Variants in VAV2 observed in about 807,000 individuals in gnomAD.
The protein encoded by VAV2 is guanine nucleotide exchange factor VAV2.
Under a neutral mutation model 132.5 loss-of-function variants are expected in VAV2, and 67 were observed. The ratio of observed to expected loss-of-function variants is 0.51; its 90% CI spans 0.42 to 0.62. The LOEUF (loss-of-function observed/expected upper bound fraction) is 0.62, where lower values mean the gene tolerates loss of function less well. VAV2 is among the 20% of genes least tolerant of loss of function. The probability of loss-of-function intolerance (pLI) is 0.00; values close to 1 mark genes in which losing one functional copy is unlikely to be tolerated. For synonymous variants in VAV2, 492 were observed against 443.5 expected, an observed-to-expected ratio of 1.11 and a Z score of -1.37; for missense variants, 938 against 1,153.6, an observed-to-expected ratio of 0.81 and a Z score of 2.71.
chr9:133,981,977 C>T (rs1842708803), intron 1 of VAV2, among the ~76,000 whole-genome samples: 1 of 152,218 alleles, frequency 6.6e-6, no homozygotes, highest in South Asian at 2.1e-4. Flanking sequence ...GTTGGACCAG[C>T]CCCTGCCAAA....
intron 4 of VAV2, among the ~76,000 whole-genome samples, chr9:133,820,021 G>A (rs1305249268): frequency 2.6e-5 from 4 of 152,202 alleles, no homozygotes; most frequent in African/African-American, 7.2e-5. Flanking sequence ...TTTCTCCTAT[G>A]ACCGATTCTG....
intron 12 of VAV2, among the ~76,000 whole-genome samples, chr9:133,792,146 GGT>G: frequency 6.8e-6 from 1 of 147,930 alleles, no homozygotes; most frequent in Non-Finnish European, 1.5e-5. Flanking sequence ...TGCTGGGTGG[GGT>G]GTGTGTGACT....
intron 11 of VAV2, among the ~76,000 whole-genome samples, chr9:133,796,122 C>T (rs1044643424): frequency 5.9e-5 from 9 of 152,224 alleles, no homozygotes. Flanking sequence ...CCATTTCTGC[C>T]ATGGCCACCA....
chr9:133,952,232 G>T (rs371762438), intron 1 of VAV2, among the ~76,000 whole-genome samples: 44 of 152,218 alleles, frequency 2.9e-4, no homozygotes, highest in African/African-American at 9.2e-4. Context: ...GCCCCAAGGA[G>T]ACAGGTCTGC....
In VAV2 at chr9:133,834,163, G is replaced by T; in HGVS notation, c.449+109C>A. 7.7e-7 allele frequency: 1 copy of T among 1,298,758 alleles called. No homozygotes were observed. Among genetic ancestry groups the T allele is most frequent in the Non-Finnish European group, 1.1e-6 (1 of 934,176 alleles). 80.5% of individuals were successfully genotyped at this position (1,298,758 alleles called of 1,614,324 possible). On this transcript the variant is annotated intron_variant, in intron 4 of 29. Coordinates refer to ENST00000371850, the MANE Select transcript of VAV2 (RefSeq NM_001134398.2). This position sits in a 1 kb window ranked among gnomAD's most constrained non-coding sequence, Gnocchi z 5.9. ...GCCCCGGTGGGAAGGGCCAGGGCCA[G>T]CTCTGCCTGCACTGTGGCCGCCATG...
chr9:133,794,190 A>T lies in VAV2; in HGVS notation c.1101+1478T>A, dbSNP rs1834613358. 3.3e-5 allele frequency among the ~76,000 whole-genome samples: 5 copies of T among 152,144 alleles called. No homozygotes were observed. The highest frequency in any genetic ancestry group is 6.5e-5 in the Admixed American group (1 of 15,276). ...TCTCAGAGCCCCCGAGGACGCATCCACGCTGGCTCACACACCGTGGCTCAC... is the reference window on the plus strand; with the variant it reads ...TCTCAGAGCCCCCGAGGACGCATCCTCGCTGGCTCACACACCGTGGCTCAC... On this transcript the variant is annotated intron_variant, in intron 12 of 29. Coordinates refer to ENST00000371850, the MANE Select transcript of VAV2 (RefSeq NM_001134398.2). This position sits in a 1 kb window ranked among gnomAD's most constrained non-coding sequence, Gnocchi z 4.6.
intron 4 of VAV2, among the ~76,000 whole-genome samples, chr9:133,828,978 A>C (rs1390150848): frequency 6.6e-6 from 1 of 152,100 alleles, no homozygotes; most frequent in Non-Finnish European, 1.5e-5. Context: ...TTGCTTTCTG[A>C]CCCAGCACTC....
chr9:133,938,636 G>A (rs879079822), intron 2 of VAV2, among the ~76,000 whole-genome samples: 9 of 152,010 alleles, frequency 5.9e-5, no homozygotes, highest in Admixed American at 2.6e-4. Context: ...TGCTTGTCCC[G>A]GGGTAACCGA....
chr9:133,878,936 G>A (rs1212389071), intron 2 of VAV2, among the ~76,000 whole-genome samples: 1 of 152,146 alleles, frequency 6.6e-6, no homozygotes, highest in African/African-American at 2.4e-5. Context: ...CCCCAGGGTC[G>A]GGTCGCCCCA....
chr9:133,956,339 C>G (rs1305467532), intron 1 of VAV2, among the ~76,000 whole-genome samples: 1 of 152,148 alleles, frequency 6.6e-6, no homozygotes, highest in Non-Finnish European at 1.5e-5. Context: ...AGCCCAAGCC[C>G]CTGGGGAGGG....
At position 133,807,239 on chromosome 9, in the gene VAV2, T is replaced by G. The variant is rs771409895; in HGVS notation, c.735+19A>C. 6.2e-7 allele frequency: 1 copy of G among 1,606,532 alleles called. No individual in the cohort carries two copies. On this transcript the variant is annotated intron_variant, in intron 8 of 29. Coordinates refer to ENST00000371850, the MANE Select transcript of VAV2 (RefSeq NM_001134398.2). ...AGGGCCCCGAGCCTGGCATGAGCGA[T>G]GGGGGCCGGGACCCTTACCTCCAGG...
chr9:133,933,918 A>G (rs149641012), intron 2 of VAV2, among the ~76,000 whole-genome samples: 23 of 16,360 alleles, frequency 1.4e-3, no homozygotes, highest in East Asian at 0.011. Flanking sequence ...GGATGGATGG[A>G]TGATGGGTGA....
At chr9:133,925,322 T>C (rs1840435762) in intron 2 of VAV2, among the ~76,000 whole-genome samples, 1 of 152,182 alleles carries the variant, frequency 6.6e-6, no homozygotes, top group African/African-American at 2.4e-5. Flanking sequence ...GCTCAAGCAA[T>C]TCTTCTGCCT....
chr9:133,796,453 C>T lies in VAV2; in HGVS notation c.1008G>A (p.Val336=). ...QDLLVVPMQR[V]LKYHLLLKEL... is the part of the protein sequence containing the mutation. The stretch of plus-strand genomic sequence containing the variant: ...CCTTCAAGAGCAGGTGGTATTTGAG[C>T]ACCCTCTGCATGGGGACCACCAGCA... Residue 336 remains valine (V), a synonymous_variant, in exon 11 of 30, where the codon GTG becomes GTA. Coordinates refer to ENST00000371850, the MANE Select transcript of VAV2 (RefSeq NM_001134398.2). 6.2e-7 allele frequency: 1 copy of T among 1,613,666 alleles called. No homozygotes were observed. The highest frequency in any genetic ancestry group is 8.5e-7 in the Non-Finnish European group (1 of 1,179,908).
chr9:133,938,587 C>G (rs1046894440), intron 2 of VAV2, among the ~76,000 whole-genome samples: 1 of 152,218 alleles, frequency 6.6e-6, no homozygotes, highest in Non-Finnish European at 1.5e-5. Flanking sequence ...GAGAATACCC[C>G]CTCTTTGCCC....
At chr9:133,766,367 C>T (rs899410027) in intron 29 of VAV2, among the ~76,000 whole-genome samples, 2 of 152,138 alleles carry the variant, frequency 1.3e-5, no homozygotes, top group Non-Finnish European at 2.9e-5. Context: ...AGACTTGGAA[C>T]GAACCCAAAT....
chr9:133,840,194 C>T lies in VAV2; in HGVS notation c.381-5854G>A, dbSNP rs1314831569. 1.3e-5 allele frequency among the ~76,000 whole-genome samples: 2 copies of T among 152,234 alleles called. No homozygotes were observed. Among genetic ancestry groups the T allele is most frequent in the African/African-American group, 2.4e-5 (1 of 41,460 alleles). On this transcript the variant is annotated intron_variant, in intron 3 of 29. Transcript: ENST00000371850. This position sits in a 1 kb window ranked among gnomAD's most constrained non-coding sequence, Gnocchi z 4.5. ...CCCCAGGGGCGGCTGCATCCCTCTC[C>T]TCCCACCAGAGCCTTCCTGAGCATG...
intron 3 of VAV2, among the ~76,000 whole-genome samples, chr9:133,836,939 C>T (rs1324355671): frequency 1.3e-5 from 2 of 152,222 alleles, no homozygotes; most frequent in Non-Finnish European, 2.9e-5. Context: ...CAGGGCTCTA[C>T]TCCTCCATCA....
At chr9:133,807,474 C>T (rs560120699) in intron 7 of VAV2, 148 bp from the exon 8 acceptor site, 23 of 744,568 alleles carry the variant, frequency 3.1e-5, no homozygotes, top group African/African-American at 3.1e-4. Flanking sequence ...CTGGCCACAT[C>T]GGGCTCCATT....
Sources: allele counts gnomAD v4.1 joint callset (sites outside exome capture counted in the v4.1 genomes callset), GRCh38; gene constraint gnomAD v4.1.1; non-coding constraint Gnocchi (gnomAD v3.1); transcripts MANE v1.5; gene names NCBI Gene and HGNC (gene_info 2026-07-23, HGNC 2026-07-21).